The following PRDM10 variants were observed in gnomAD, a reference collection of about 807,000 sequenced individuals.
PRDM10 encodes the protein PR/SET domain 10.
A neutral mutation model predicts 133.1 loss-of-function variants in PRDM10; 65 were observed. The observed-to-expected ratio is 0.49, with a 90% CI of 0.40 to 0.60. PRDM10 has a LOEUF of 0.60. PRDM10 is among the 20% of genes least tolerant of loss of function. The pLI is 0.00. For synonymous variants in PRDM10, 582 were observed against 580.4 expected, an observed-to-expected ratio of 1.00 and a Z score of -0.04; for missense variants, 1,137 against 1,507.1, an observed-to-expected ratio of 0.75 and a Z score of 4.07.
intron 13 of PRDM10, among the ~76,000 whole-genome samples, chr11:129,920,067 CT>C (rs1950477921): frequency 6.6e-6 from 1 of 152,150 alleles, no homozygotes; most frequent in Non-Finnish European, 1.5e-5. Context: ...TGCATTGCCA[CT>C]TTTTTTCTTT....
chr11:129,952,995 CAG>C (rs1951617157), intron 4 of PRDM10, among the ~76,000 whole-genome samples: 1 of 150,154 alleles, frequency 6.7e-6, no homozygotes, highest in African/African-American at 2.5e-5. Flanking sequence ...TTTTTTGAGA[CAG>C]AGTCTCACTC....
chr11:129,929,384 AT>A (rs1950780211), intron 11 of PRDM10: 7 of 1,563,842 alleles, frequency 4.5e-6, no homozygotes, highest in Non-Finnish European at 6.1e-6. Context: ...ACATTCTGTT[AT>A]GTGAAACACA....
Position 129,900,416 on chromosome 11 carries a change from ATT to A in PRDM10, c.*1895_*1896del, listed in dbSNP as rs1318173065. 6.5e-6 allele frequency: 1 copy of A among 152,746 alleles called. No individual in the cohort carries two copies. The highest frequency in any genetic ancestry group is 1.5e-5 in the Non-Finnish European group (1 of 68,026). 9.5% of individuals were successfully genotyped at this position (152,746 alleles called of 1,614,324 possible). Reference sequence around the variant, plus strand: ...AGCAACAAAGAGGTCCTTCCACAATATTTTCCTCTGTGTATTTTAAAACTTAA... The same window carrying A: ...AGCAACAAAGAGGTCCTTCCACAATATTCCTCTGTGTATTTTAAAACTTAA... On this transcript the variant is annotated 3_prime_UTR_variant, in exon 21 of 21. Coordinates refer to ENST00000360871, the MANE Select transcript of PRDM10 (RefSeq NM_199437.2).
chr11:129,997,150 C>G (rs1939107560), intron 1 of PRDM10, among the ~76,000 whole-genome samples: 1 of 152,138 alleles, frequency 6.6e-6, no homozygotes, highest in Admixed American at 6.6e-5. Context: ...ATGGATTTTA[C>G]GTGTAGGTTA....
chr11:129,932,380 A>G, intron 9 of PRDM10, 149 bp from the exon 10 acceptor site: 1 of 951,874 alleles, frequency 1.1e-6, no homozygotes, highest in Non-Finnish European at 1.5e-6. Flanking sequence ...CAACTGTTTT[A>G]CTAATATACA....
At chr11:129,948,249 C>T in intron 4 of PRDM10, 1 of 364,860 alleles carries the variant, frequency 2.7e-6, no homozygotes, top group Non-Finnish European at 5.4e-6. Context: ...GCCTAGAATC[C>T]CTTTATGCAA....
At chr11:129,985,695 G>T (rs544597172) in intron 1 of PRDM10, among the ~76,000 whole-genome samples, 1 of 146,014 alleles carries the variant, frequency 6.8e-6, no homozygotes, top group East Asian at 2.1e-4. Context: ...GAGGTAGGAG[G>T]ATCACTTGAG....
intron 2 of PRDM10, among the ~76,000 whole-genome samples, chr11:129,958,961 C>T (rs1951746878): frequency 6.6e-6 from 1 of 152,240 alleles, no homozygotes; most frequent in South Asian, 2.1e-4. Context: ...GAGCTTGGCA[C>T]ATGGCCTGAT....
chr11:129,918,612 G>A lies in PRDM10; in HGVS notation c.2141C>T (p.Thr714Met), dbSNP rs758552840. The A allele has an allele frequency of 5.6e-6, 9 of 1,614,242 alleles. No individual in the cohort carries two copies. Among genetic ancestry groups the A allele is most frequent in the African/African-American group, 1.3e-5 (1 of 75,068 alleles). The change falls in exon 14 of 21, where the codon ACG becomes ATG. Residue 714 changes from threonine to methionine, a missense_variant. Physicochemically the swap from Thr to Met is moderately conservative, Grantham distance 81. Around this residue, in one of 6 missense-constraint regions of PRDM10, gnomAD observed 78 missense variants for 96.4 expected, o/e 0.81. Coordinates refer to ENST00000360871, the MANE Select transcript of PRDM10 (RefSeq NM_199437.2). This position sits in a 1 kb window ranked among gnomAD's most constrained non-coding sequence, Gnocchi z 5.3. ...CGTGAAGCTGTCGTAGTCTGTGGAC[G>A]TGATGCGGGGCTTGAACGTCTTGGA... ...SRSKTFKPRITSTDYDSFTFK... is the reference protein window; with the variant it reads ...SRSKTFKPRIMSTDYDSFTFK...
intron 4 of PRDM10, among the ~76,000 whole-genome samples, chr11:129,953,951 A>G (rs1224910300): frequency 6.7e-6 from 1 of 148,346 alleles, no homozygotes; most frequent in Non-Finnish European, 1.5e-5. Context: ...GCTTGATGGA[A>G]TCAATAAGTA....
intron 19 of PRDM10, among the ~76,000 whole-genome samples, chr11:129,908,594 G>A (rs1171292103): frequency 6.6e-6 from 1 of 152,210 alleles, no homozygotes; most frequent in Non-Finnish European, 1.5e-5. Context: ...AAGGTTGGGT[G>A]TAAGTTGGTA....
chr11:129,953,466 G>A (rs1178848735), intron 4 of PRDM10, among the ~76,000 whole-genome samples: 1 of 151,878 alleles, frequency 6.6e-6, no homozygotes, highest in Non-Finnish European at 1.5e-5. Flanking sequence ...GCTAATTTTT[G>A]TATTTTTAGT....
At chr11:129,920,260 C>T (rs1950484652) in intron 13 of PRDM10, among the ~76,000 whole-genome samples, 1 of 152,120 alleles carries the variant, frequency 6.6e-6, no homozygotes, top group South Asian at 2.1e-4. Context: ...TTGTTGGATG[C>T]CAAATCTCCA....
rs1023860388 is a variant in PRDM10, at chr11:129,918,297, A to AG, written c.2214+241_2214+242insC. Among the ~76,000 whole-genome samples the AG allele has an allele frequency of 6.6e-6, 1 of 151,946 alleles. No individual in the cohort carries two copies. The highest frequency in any genetic ancestry group is 6.5e-5 in the Admixed American group (1 of 15,272). ...GTAATGAAAAGTGATTAAAAAAAAA[A>AG]AAAGAAAAAGAAAAAGACCTCTTAC... On this transcript the variant is annotated intron_variant, in intron 14 of 20. Transcript: ENST00000360871. The surrounding 1 kb of genome is among the most constrained non-coding windows in gnomAD (Gnocchi z 5.3).
chr11:129,921,117 C>T (rs1302893062), intron 13 of PRDM10, among the ~76,000 whole-genome samples: 3 of 152,098 alleles, frequency 2.0e-5, no homozygotes, highest in Non-Finnish European at 4.4e-5. Context: ...TTTCTCTATT[C>T]TAGTGTGAGC....
Position 129,957,779 on chromosome 11 carries a change from C to T in PRDM10, c.201G>A (p.Thr67=), listed in dbSNP as rs1264735139. Reference sequence around the variant, plus strand: ...CTTCCACCGGGTGGATGTACACCAGCGTGTGCTCTGGACCATCCACTGATG... The same window carrying T: ...CTTCCACCGGGTGGATGTACACCAGTGTGTGCTCTGGACCATCCACTGATG... ...SYTSVDGPEH[T]LVYIHPVEAA... The change falls in exon 3 of 21, where the codon ACG becomes ACA. Residue 67 remains threonine (T), a synonymous_variant. Coordinates refer to ENST00000360871, the MANE Select transcript of PRDM10 (RefSeq NM_199437.2). 8.7e-6 allele frequency: 14 copies of T among 1,613,696 alleles called. No homozygotes were observed. The Admixed American group carries it at 1.8e-4, about 21-fold the overall frequency.
At chr11:129,992,509 C>CA (rs1036435730) in intron 1 of PRDM10, among the ~76,000 whole-genome samples, 21 of 152,314 alleles carry the variant, frequency 1.4e-4, no homozygotes, top group Non-Finnish European at 7.3e-5. Context: ...TCATCCTAGG[C>CA]AAAGTGGCCA....
intron 19 of PRDM10, among the ~76,000 whole-genome samples, chr11:129,906,587 C>G (rs1247757508): frequency 6.6e-6 from 1 of 152,156 alleles, no homozygotes. Flanking sequence ...AAGTGTTTAT[C>G]CTGCCTTTCT....
At chr11:129,997,791 T>G (rs968285846) in intron 1 of PRDM10, among the ~76,000 whole-genome samples, 2 of 152,250 alleles carry the variant, frequency 1.3e-5, no homozygotes, top group Non-Finnish European at 2.9e-5. Flanking sequence ...TTGAATACAT[T>G]AATTCAGTAA....
Sources: allele counts gnomAD v4.1 joint callset (sites outside exome capture counted in the v4.1 genomes callset), GRCh38; gene constraint gnomAD v4.1.1; regional missense constraint gnomAD v4.1.1; non-coding constraint Gnocchi (gnomAD v3.1); transcripts MANE v1.5; gene names NCBI Gene and HGNC (gene_info 2026-07-23, HGNC 2026-07-21).